DMD: variants seen among roughly 807,000 people sequenced by gnomAD.
DMD encodes mutant dystrophin.
A neutral mutation model predicts 330.1 loss-of-function variants in DMD; 63 were observed. That is an observed-to-expected ratio of 0.19 (90% CI 0.16 to 0.24). DMD has a LOEUF of 0.24. DMD is among the 10% of genes least tolerant of loss of function. DMD has a pLI of 1.00. For missense variants in DMD, 3,344 were observed against 2,684.1 expected (o/e 1.25, Z -5.43); for synonymous variants, 1,223 against 959.8 (o/e 1.27, Z -5.07).
chrX:32,938,705 C>A (rs1468210044), intron 2 of DMD, among the ~76,000 whole-genome samples: 1 of 111,121 alleles, frequency 9.0e-6, no homozygotes, highest in Non-Finnish European at 1.9e-5. Flanking sequence ...TATTTTTTGT[C>A]TTTATTTGCC....
intron 60 of DMD, among the ~76,000 whole-genome samples, chrX:31,417,897 C>G (rs1278614079): frequency 2.8e-5 from 3 of 109,032 alleles, no homozygotes; most frequent in Admixed American, 9.9e-5. Flanking sequence ...CCATGTTGGC[C>G]AGGCTGGTCT....
At chrX:32,527,999 T>C (rs1483506740) in intron 17 of DMD, among the ~76,000 whole-genome samples, 4 of 112,263 alleles carry the variant, frequency 3.6e-5, no homozygotes, top group Non-Finnish European at 7.5e-5. Context: ...GTAAAGTAAA[T>C]GTGCATTTAA....
At chrX:33,195,026 T>G (rs892640259) in intron 1 of DMD, among the ~76,000 whole-genome samples, 2 of 111,498 alleles carry the variant, frequency 1.8e-5, no homozygotes, top group African/African-American at 6.5e-5. Flanking sequence ...TAAACATTTC[T>G]CACCTTGAAT....
chrX:31,890,875 T>G (rs756964434), intron 47 of DMD, among the ~76,000 whole-genome samples: 5 of 112,029 alleles, frequency 4.5e-5, no homozygotes, highest in Non-Finnish European at 9.4e-5. Context: ...AATCATTTTA[T>G]TGTCATGTTT....
At chrX:32,016,796 C>T (rs944029569) in intron 44 of DMD, among the ~76,000 whole-genome samples, 1 of 112,611 alleles carries the variant, frequency 8.9e-6, no homozygotes, top group East Asian at 2.8e-4. Flanking sequence ...ATGGCACTTG[C>T]AAGTTCTCAG....
chrX:33,238,691 GTTT>G (rs747092409), intron 1 of DMD, among the ~76,000 whole-genome samples: 1 of 111,654 alleles, frequency 9.0e-6, no homozygotes, highest in Admixed American at 9.5e-5. Context: ...GATTTAGTAA[GTTT>G]TTTGTCCAAA....
intron 45 of DMD, among the ~76,000 whole-genome samples, chrX:31,962,257 C>A (rs769194972): frequency 9.0e-6 from 1 of 111,481 alleles, no homozygotes; most frequent in African/African-American, 3.3e-5. Flanking sequence ...CCATCACCAC[C>A]CTAACCGTCA....
At chrX:32,388,341 C>CTTT (rs3044988) in intron 32 of DMD, among the ~76,000 whole-genome samples, 818 of 78,564 alleles carry the variant, frequency 0.01, 44 homozygotes, top group African/African-American at 0.04. Flanking sequence ...TTATGCTTTC[C>CTTT]TTTTTTTTTT....
chrX:32,097,992 T>C (rs1338132708), intron 44 of DMD, among the ~76,000 whole-genome samples: 1 of 110,962 alleles, frequency 9.0e-6, no homozygotes, highest in Non-Finnish European at 1.9e-5. Flanking sequence ...GGCAACCAGA[T>C]AAACACCAAA....
At chrX:31,224,574 C>G (rs1429454521) in intron 63 of DMD, among the ~76,000 whole-genome samples, 4 of 111,849 alleles carry the variant, frequency 3.6e-5, no homozygotes, top group African/African-American at 1.3e-4. Context: ...TTTGGGAAAC[C>G]AGTTAGGCAG....
At chrX:31,171,002 A>T (rs976654865) in intron 73 of DMD, among the ~76,000 whole-genome samples, 1 of 112,017 alleles carries the variant, frequency 8.9e-6, no homozygotes, top group Non-Finnish European at 1.9e-5. Context: ...CGTAGATACA[A>T]CTCGAATTAA....
intron 51 of DMD, among the ~76,000 whole-genome samples, chrX:31,769,416 A>C (rs767855305): frequency 7.7e-4 from 86 of 112,150 alleles, no homozygotes; most frequent in African/African-American, 2.4e-3. Flanking sequence ...GGTCAAACAA[A>C]TTTATATTTC....
chrX:31,814,482 CAAAAAAAAAAAAAAAAAAAA>C (rs151208391), intron 50 of DMD, among the ~76,000 whole-genome samples: 1 of 28,995 alleles, frequency 3.4e-5, no homozygotes, highest in African/African-American at 1.4e-4. Flanking sequence ...GACTCCGTCT[CAAAAAAAAAAAAAAAAAAAA>C]AAAAAAAAAA....
intron 43 of DMD, among the ~76,000 whole-genome samples, chrX:32,248,762 T>C (rs5972512): frequency 0.41 from 45,461 of 109,901 alleles, 7,224 homozygotes; most frequent in Middle Eastern, 0.54. Context: ...TAACTTGGTG[T>C]GACTTTTATT....
intron 7 of DMD, among the ~76,000 whole-genome samples, chrX:32,757,798 T>A (rs2071695260): frequency 8.9e-6 from 1 of 111,793 alleles, no homozygotes; most frequent in South Asian, 3.7e-4. Flanking sequence ...GAGAACAGAC[T>A]AATACAGATT....
At chrX:31,943,046 G>GT (rs1020953171) in intron 45 of DMD, among the ~76,000 whole-genome samples, 2 of 112,169 alleles carry the variant, frequency 1.8e-5, no homozygotes, top group Non-Finnish European at 3.8e-5. Context: ...CTCACCACCT[G>GT]TTTTTGTAAA....
At chrX:31,652,178 C>A (rs2080496708) in intron 54 of DMD, among the ~76,000 whole-genome samples, 1 of 111,732 alleles carries the variant, frequency 8.9e-6, no homozygotes, top group South Asian at 3.7e-4. Flanking sequence ...TACATATGGC[C>A]CACATCCTCA....
At chrX:32,233,307 T>C (rs913355359) in intron 43 of DMD, among the ~76,000 whole-genome samples, 1 of 111,267 alleles carries the variant, frequency 9.0e-6, no homozygotes, top group Admixed American at 9.6e-5. Context: ...ATCTTTCTGG[T>C]TGCAGAGGTC....
intron 2 of DMD, among the ~76,000 whole-genome samples, chrX:32,913,085 G>T (rs765424254): frequency 9.0e-6 from 1 of 111,595 alleles, no homozygotes; most frequent in African/African-American, 3.3e-5. Flanking sequence ...AAAAGATGAG[G>T]GTTTAATAAT....
Sources: gnomAD v4.1 joint callset for allele counts (sites outside exome capture counted in the v4.1 genomes callset) on GRCh38, gnomAD v4.1.1 for gene constraint, MANE v1.5 for transcripts, NCBI Gene and HGNC (gene_info 2026-07-23, HGNC 2026-07-21) for gene names.